ARFGEF3: variants seen among roughly 807,000 people sequenced by gnomAD.
The protein encoded by ARFGEF3 is brefeldin A-inhibited guanine nucleotide-exchange protein 3.
In ARFGEF3, 96 loss-of-function variants were observed where a neutral mutation model predicts 221.7. The ratio of observed to expected loss-of-function variants is 0.43; its 90% CI spans 0.37 to 0.51. The LOEUF (loss-of-function observed/expected upper bound fraction) is 0.51, where lower values mean the gene tolerates loss of function less well. Among genes scored for constraint, ARFGEF3 ranks in the 20% least tolerant of loss-of-function variants. ARFGEF3 has a pLI of 0.00. For synonymous variants in ARFGEF3, 1,145 were observed against 1,126.8 expected (o/e 1.02, Z -0.32); for missense variants, 2,410 against 2,789.9 (o/e 0.86, Z 3.07).
At chr6:138,209,746 C>T (rs1284961848) in intron 3 of ARFGEF3, among the ~76,000 whole-genome samples, 164 bp from the exon 4 acceptor site, 3 of 152,182 alleles carry the variant, frequency 2.0e-5, no homozygotes, top group African/African-American at 4.8e-5. Context: ...CTGCCCTGGC[C>T]GCATTTTTCT....
At chr6:138,255,402 G>A (rs1290724799) in intron 9 of ARFGEF3, 34 bp from the exon 10 acceptor site, 5 of 1,492,752 alleles carry the variant, frequency 3.3e-6, no homozygotes, top group African/African-American at 2.8e-5. Flanking sequence ...TTTGGCTCGT[G>A]GGGAAAGTTA....
intron 31 of ARFGEF3, among the ~76,000 whole-genome samples, chr6:138,326,762 A>G (rs1404764074): frequency 6.6e-6 from 1 of 152,236 alleles, no homozygotes; most frequent in Non-Finnish European, 1.5e-5. Context: ...ATTACTGGGC[A>G]TATACCCAAA....
At chr6:138,250,399 T>C (rs893761692) in intron 8 of ARFGEF3, among the ~76,000 whole-genome samples, 3 of 152,202 alleles carry the variant, frequency 2.0e-5, no homozygotes, top group African/African-American at 7.2e-5. Context: ...CACCACTCTT[T>C]CCCTGCTTCT....
chr6:138,168,029 T>C (rs1420166558), intron 1 of ARFGEF3, among the ~76,000 whole-genome samples: 1 of 152,150 alleles, frequency 6.6e-6, no homozygotes, highest in African/African-American at 2.4e-5. Context: ...CTTCTTTCAG[T>C]TACTCAGCTA....
intron 32 of ARFGEF3, among the ~76,000 whole-genome samples, chr6:138,330,880 T>C (rs1383236067): frequency 2.1e-5 from 3 of 146,014 alleles, no homozygotes; most frequent in Non-Finnish European, 3.0e-5. Flanking sequence ...CTCTACCAAT[T>C]CTAGCCCGTT....
chr6:138,291,221 G>C lies in ARFGEF3; in HGVS notation c.3048-512G>C, dbSNP rs1463355030. Among the ~76,000 whole-genome samples the C allele has an allele frequency of 1.3e-5, 2 of 152,160 alleles. No homozygotes were observed. Among genetic ancestry groups the C allele is most frequent in the African/African-American group, 2.4e-5 (1 of 41,452 alleles). ...GCCGCCACCCACCCCACCCAGACTT[G>C]AGTTATGTGGCGCCGTCGGGACCAG... is the stretch of plus-strand genomic sequence containing the variant. On this transcript the variant is annotated intron_variant, in intron 18 of 33. Transcript: ENST00000251691. The surrounding 1 kb of genome is among the most constrained non-coding windows in gnomAD (Gnocchi z 4.5).
rs752611070 is a variant in ARFGEF3, at chr6:138,261,539, C to T, written c.1117C>T (p.Pro373Ser). Reference sequence around the variant, plus strand: ...CTTTTTCTTTAAGATACTTGGGAGCCCACAGCGTCTCTGTGACTTGGCAGG... The same window carrying T: ...CTTTTTCTTTAAGATACTTGGGAGCTCACAGCGTCTCTGTGACTTGGCAGG... ...IKIMKEILGS[P>S]QRLCDLAGPS... Residue 373 changes from proline to serine, a missense_variant, in exon 11 of 34, where the codon CCA (proline) becomes TCA (serine). This residue lies in a region of ARFGEF3 where 570 missense variants were observed against 586.9 expected (regional missense o/e 0.97). Transcript: ENST00000251691. 7 of 1,566,236 alleles carry T rather than the reference C, an allele frequency of 4.5e-6. No individual in the cohort carries two copies. The African/African-American group carries it at 8.2e-5, about 18-fold the overall frequency.
intron 16 of ARFGEF3, 63 bp downstream of exon 16, chr6:138,286,979 AG>A: frequency 1.3e-6 from 2 of 1,585,102 alleles, no homozygotes; most frequent in Non-Finnish European, 1.7e-6. Context: ...ATGACCCAGC[AG>A]GGTGGGGCAG....
At chr6:138,195,994 T>TA (rs61617065) in intron 2 of ARFGEF3, among the ~76,000 whole-genome samples, 1,311 of 123,950 alleles carry the variant, frequency 0.011, 11 homozygotes, top group South Asian at 0.041. Context: ...AGTGTCTTGG[T>TA]AAAAAAAAAA....
intron 4 of ARFGEF3, among the ~76,000 whole-genome samples, chr6:138,229,033 G>A (rs755817436): frequency 2.0e-5 from 3 of 152,234 alleles, no homozygotes; most frequent in Non-Finnish European, 4.4e-5. Flanking sequence ...AGAAAGTGAA[G>A]TTTTTAGTGG....
intron 32 of ARFGEF3, among the ~76,000 whole-genome samples, chr6:138,331,913 C>T (rs1363103784): frequency 6.6e-6 from 1 of 152,146 alleles, no homozygotes; most frequent in Non-Finnish European, 1.5e-5. Flanking sequence ...TTTCTTGTCA[C>T]TGCGCCCTTT....
chr6:138,196,390 C>T (rs1484043384), intron 2 of ARFGEF3, among the ~76,000 whole-genome samples: 3 of 152,208 alleles, frequency 2.0e-5, no homozygotes, highest in Non-Finnish European at 4.4e-5. Flanking sequence ...CATGTTACTG[C>T]ATGAATACTG....
rs1378753368 is a variant in ARFGEF3, at chr6:138,335,304, A to T, written c.6342+116A>T. ...AGATTTATAGAAACAGGTAGGGGGT[A>T]TGAACCGATTTCCCTCCAAAGTCAG... is the stretch of plus-strand genomic sequence containing the variant. On this transcript the variant is annotated intron_variant, in intron 33 of 33. Coordinates refer to ENST00000251691, the MANE Select transcript of ARFGEF3 (RefSeq NM_020340.5). The T allele has an allele frequency of 3.8e-6, 4 of 1,062,502 alleles. No homozygotes were observed. The African/African-American group carries it at 6.4e-5, about 17-fold the overall frequency. The allele number at this position is 1,062,502 out of a possible 1,614,324, so 65.8% of individuals were successfully genotyped here. A position where few individuals can be genotyped will look rare whatever the true frequency, so the allele number is the denominator to read the frequency against.
intron 12 of ARFGEF3, among the ~76,000 whole-genome samples, 183 bp downstream of exon 12, chr6:138,263,794 T>C (rs1264656268): frequency 6.6e-6 from 1 of 152,250 alleles, no homozygotes; most frequent in African/African-American, 2.4e-5. Context: ...ATTTGAATTC[T>C]ACAGCAGTCG....
chr6:138,311,636 C>T (rs904618885), intron 25 of ARFGEF3, 126 bp downstream of exon 25: 7 of 644,212 alleles, frequency 1.1e-5, no homozygotes, highest in African/African-American at 5.5e-5. Context: ...GAGATTGGGG[C>T]GCAGATGTGG....
chr6:138,287,540 C>T (rs539920997), intron 17 of ARFGEF3, among the ~76,000 whole-genome samples: 2 of 152,306 alleles, frequency 1.3e-5, no homozygotes, highest in East Asian at 3.9e-4. Flanking sequence ...GTGGGGAAGG[C>T]AGATTGGCCA....
intron 14 of ARFGEF3, among the ~76,000 whole-genome samples, chr6:138,285,709 C>T (rs1414489228): frequency 7.9e-5 from 12 of 151,990 alleles, no homozygotes; most frequent in Non-Finnish European, 2.9e-5. Context: ...TAATGTACAT[C>T]TATTTTTAAA....
chr6:138,269,489 G>A (rs556023442), intron 12 of ARFGEF3, among the ~76,000 whole-genome samples: 2 of 152,282 alleles, frequency 1.3e-5, no homozygotes, highest in Admixed American at 6.5e-5. Context: ...CTGTCAGTTA[G>A]GATTAGGTTT....
intron 2 of ARFGEF3, among the ~76,000 whole-genome samples, chr6:138,181,662 T>G (rs1777081821): frequency 6.6e-6 from 1 of 152,214 alleles, no homozygotes. Context: ...CAGGCTGGTT[T>G]CGAACTCCTG....
Sources: gnomAD v4.1 joint callset for allele counts (sites outside exome capture counted in the v4.1 genomes callset) on GRCh38, gnomAD v4.1.1 for gene constraint, gnomAD v4.1.1 regional missense constraint, Gnocchi (gnomAD v3.1) non-coding constraint, MANE v1.5 for transcripts, NCBI Gene and HGNC (gene_info 2026-07-23, HGNC 2026-07-21) for gene names.